The following KRT73 variants were observed in gnomAD, a reference collection of about 807,000 sequenced individuals.
KRT73 encodes keratin, type II cytoskeletal 73.
In KRT73, 44 loss-of-function variants were observed where a neutral mutation model predicts 47.2. The observed-to-expected ratio is 0.93, with a 90% CI of 0.73 to 1.20. KRT73 has a LOEUF of 1.20. KRT73 is among the 50% of genes most tolerant of loss of function. The pLI, the probability that KRT73 is intolerant of heterozygous loss-of-function variation, is 0.00. For synonymous variants in KRT73, 285 were observed against 291.3 expected, an observed-to-expected ratio of 0.98 and a Z score of 0.22; for missense variants, 713 against 704.5, an observed-to-expected ratio of 1.01 and a Z score of -0.14.
chr12:52,630,274 C>T, the KRT73 span, among the ~76,000 whole-genome samples: 89 of 152,326 alleles, frequency 5.8e-4, 2 homozygotes, highest in Non-Finnish European at 3.1e-4. Flanking sequence ...CCTGCCACGA[C>T]GGAGTGCAGT....
chr12:52,609,038 A>G (rs1194695004), intron 8 of KRT73, among the ~76,000 whole-genome samples: 1 of 152,212 alleles, frequency 6.6e-6, no homozygotes, highest in Non-Finnish European at 1.5e-5. Context: ...GCTAGTGTGC[A>G]GTATCAGAAT....
At chr12:52,610,982 C>T (rs1180621366) in intron 6 of KRT73, 147 bp from the exon 7 acceptor site, 5 of 886,498 alleles carry the variant, frequency 5.6e-6, no homozygotes, top group Non-Finnish European at 8.5e-6. Context: ...TCCTGTCAAC[C>T]TGAGACTGAG....
chr12:52,608,854 G>C (rs1292331825), intron 8 of KRT73, among the ~76,000 whole-genome samples: 3 of 152,188 alleles, frequency 2.0e-5, no homozygotes, highest in Admixed American at 2.0e-4. Flanking sequence ...CAAACCCTGT[G>C]GGGCCAGCAT....
the KRT73 span, among the ~76,000 whole-genome samples, chr12:52,628,069 A>C: frequency 8.7e-6 from 1 of 115,512 alleles, no homozygotes; most frequent in Non-Finnish European, 1.8e-5. Flanking sequence ...AGAGAGGGTA[A>C]GGTGGGAGTG....
chr12:52,612,916 C>T (rs1229736374), intron 5 of KRT73: 1 of 152,206 alleles, frequency 6.6e-6, no homozygotes, highest in Admixed American at 6.5e-5. Context: ...TGTTATGATT[C>T]TGGGCATTCC....
Position 52,618,127 on chromosome 12 carries a change from C to G in KRT73, c.398G>C (p.Arg133Pro), listed in dbSNP as rs566335555. 6.2e-7 allele frequency: 1 copy of G among 1,613,772 alleles called. No homozygotes were observed. Among genetic ancestry groups the G allele is most frequent in the Non-Finnish European group, 8.5e-7 (1 of 1,179,914 alleles). Residue 133 changes from arginine to proline, a missense_variant, in exon 1 of 9, where the codon CGG becomes CCG. Arg to Pro is a moderately radical substitution (Grantham distance 103, BLOSUM62 -2). Transcript: ENST00000305748. ...GTTGTTCAGCACCTTGATCTGCTCC[C>G]GCTCCTGGGCACGCACTTTCTGGAT... ...PEIQKVRAQE[R>P]EQIKVLNNKF...
chr12:52,615,074 T>C, intron 3 of KRT73: 1 of 543,954 alleles, frequency 1.8e-6, no homozygotes, highest in African/African-American at 1.9e-5. Context: ...ACTATCCACA[T>C]CTAGGTTCCT....
upstream of KRT73, among the ~76,000 whole-genome samples, chr12:52,619,334 C>T (rs1417690434): frequency 1.3e-5 from 2 of 152,242 alleles, no homozygotes; most frequent in African/African-American, 4.8e-5. Flanking sequence ...ATTTAATCCA[C>T]TTAGTCTGCA....
In KRT73 at chr12:52,610,745, C is replaced by T; in HGVS notation, c.1201G>A (p.Gly401Ser). ...TCCTCCTTGGCCTGCTGCAGGGCGC[C>T]CTCCAGCTCATCCAGCTTGGCCCTG... ...DARAKLDELE[G>S]ALQQAKEELA... The change falls in exon 7 of 9, where the codon GGC (glycine) becomes AGC (serine). Residue 401 changes from glycine to serine, a missense_variant. By Grantham distance (56) the Gly-to-Ser change is moderately conservative (BLOSUM62 0). Coordinates refer to ENST00000305748, the MANE Select transcript of KRT73 (RefSeq NM_175068.3). The T allele has an allele frequency of 6.2e-7, 1 of 1,614,018 alleles. No homozygotes were observed. The highest frequency in any genetic ancestry group is 8.5e-7 in the Non-Finnish European group (1 of 1,180,012).
chr12:52,614,219 A>T (rs1467676489), intron 4 of KRT73: 1 of 337,526 alleles, frequency 3.0e-6, no homozygotes, highest in Non-Finnish European at 5.4e-6. Context: ...GAGAAGGCAG[A>T]AGGGGTATGA....
intron 4 of KRT73, chr12:52,614,169 G>T (rs1940762441): frequency 8.6e-6 from 3 of 347,620 alleles, no homozygotes; most frequent in Non-Finnish European, 1.0e-5. Context: ...GCCCAGAAAT[G>T]CTTGGCCAAT....
the KRT73 span, among the ~76,000 whole-genome samples, chr12:52,629,694 G>A: frequency 0.077 from 11,761 of 152,278 alleles, 712 homozygotes; most frequent in African/African-American, 0.17. Flanking sequence ...TTGCCTGTTC[G>A]CATGAAAACA....
chr12:52,623,345 A>G (rs1222366211), upstream of KRT73, among the ~76,000 whole-genome samples: 2 of 152,246 alleles, frequency 1.3e-5, no homozygotes, highest in East Asian at 3.8e-4. Context: ...GCTGAAAGCA[A>G]AGAACTGTTG....
chr12:52,614,680 G>C lies in KRT73; in HGVS notation c.724-6C>G. On this transcript the variant is annotated splice_polypyrimidine_tract_variant and splice_region_variant and intron_variant, in intron 3 of 8. Transcript: ENST00000305748. ...GTGTAAGCTGCGTCCACGTCCTATG[G>C]AGAATCCAGATACCCCTGACCTCAC... 6.2e-7 allele frequency: 1 copy of C among 1,611,212 alleles called. No homozygotes were observed. Among genetic ancestry groups the C allele is most frequent in the Non-Finnish European group, 8.5e-7 (1 of 1,178,654 alleles).
chr12:52,613,541 T>C, intron 5 of KRT73, 147 bp downstream of exon 5: 1 of 1,440,498 alleles, frequency 6.9e-7, no homozygotes, highest in Non-Finnish European at 9.2e-7. Flanking sequence ...CTGTGTCTTC[T>C]CCTCCCCTTT....
At chr12:52,620,200 A>G (rs554727727), upstream of KRT73, among the ~76,000 whole-genome samples, 9 of 130,294 alleles carry the variant, frequency 6.9e-5, no homozygotes, top group East Asian at 1.8e-3. Context: ...CGCAACCTCC[A>G]CTTCCTGGGT....
chr12:52,623,120 C>T (rs1940927608), upstream of KRT73, among the ~76,000 whole-genome samples: 1 of 152,188 alleles, frequency 6.6e-6, no homozygotes, highest in Non-Finnish European at 1.5e-5. Context: ...CGTAAACCCA[C>T]AGATTCAGGA....
At chr12:52,626,027 C>T in the KRT73 span, among the ~76,000 whole-genome samples, 1 of 151,996 alleles carries the variant, frequency 6.6e-6, no homozygotes, top group African/African-American at 2.4e-5. Flanking sequence ...GTGGGTGTGT[C>T]CAAATGAGGA....
At chr12:52,618,942 C>G (rs181441732), upstream of KRT73, among the ~76,000 whole-genome samples, 47 of 152,314 alleles carry the variant, frequency 3.1e-4, 1 homozygote, top group African/African-American at 1.1e-3. Context: ...CACAACCATG[C>G]CAGCATCAGA....
Sources: allele counts gnomAD v4.1 joint callset (sites outside exome capture counted in the v4.1 genomes callset), GRCh38; gene constraint gnomAD v4.1.1; transcripts MANE v1.5; gene names NCBI Gene and HGNC (gene_info 2026-07-23, HGNC 2026-07-21).